The following SCAF8 variants were observed in gnomAD, a reference collection of about 807,000 sequenced individuals.
SCAF8 encodes SR-related CTD associated factor 8, also known as SR-related and CTD-associated factor 8.
In SCAF8, 23 loss-of-function variants were observed where a neutral mutation model predicts 140.5. The observed-to-expected ratio is 0.16, with a 90% CI of 0.12 to 0.23. The LOEUF is 0.23. SCAF8 is among the 10% of genes least tolerant of loss of function. The pLI, the probability that SCAF8 is intolerant of heterozygous loss-of-function variation, is 1.00. For missense variants in SCAF8, 1,397 were observed against 1,555.7 expected (o/e 0.90, Z 1.72); for synonymous variants, 575 against 528.9 (o/e 1.09, Z -1.20).
chr6:154,832,375 A>G lies in SCAF8; in HGVS notation c.2796A>G (p.Pro932=), dbSNP rs1479971677. Reference sequence around the variant, plus strand: ...TAGACATTCGTCCGGGACTAATACCACAGGCACCTGGGCCAAGATTCCCTT... The same window carrying G: ...TAGACATTCGTCCGGGACTAATACCGCAGGCACCTGGGCCAAGATTCCCTT... ...PMLDIRPGLI[P]QAPGPRFPLI... is the part of the protein sequence containing the mutation. The change falls in exon 20 of 20, where the codon CCA becomes CCG. Residue 932 remains proline (P), a synonymous_variant. Coordinates refer to ENST00000367178, the MANE Select transcript of SCAF8 (RefSeq NM_014892.5). 1.9e-6 allele frequency: 3 copies of G among 1,614,076 alleles called. No homozygotes were observed. The highest frequency in any genetic ancestry group is 2.5e-6 in the Non-Finnish European group (3 of 1,180,004).
intron 15 of SCAF8, 125 bp downstream of exon 15, chr6:154,820,458 T>TA: frequency 2.8e-6 from 2 of 713,916 alleles, no homozygotes; most frequent in Non-Finnish European, 4.6e-6. Flanking sequence ...AGAGAAAAGA[T>TA]ACATTACTAT....
intron 12 of SCAF8, among the ~76,000 whole-genome samples, chr6:154,812,815 T>TA (rs998023203): frequency 6.6e-6 from 1 of 151,998 alleles, no homozygotes; most frequent in African/African-American, 2.4e-5. Flanking sequence ...GAAAAATGTG[T>TA]AGAGAGATAA....
At position 154,793,055 on chromosome 6, in the gene SCAF8, T is replaced by C. The variant is rs574442339; in HGVS notation, c.475+79T>C. 92 of 1,188,474 alleles carry C rather than the reference T, an allele frequency of 7.7e-5. No homozygotes were observed. The African/African-American group carries it at 1.3e-3, about 17-fold the overall frequency. The allele number at this position is 1,188,474 out of a possible 1,614,324, so 73.6% of individuals were successfully genotyped here. ...GATGACTGTTCATATAAAAAATAAT[T>C]CGACAGTGCAGGAAAATTTGTCCAG... On this transcript the variant is annotated intron_variant, in intron 5 of 19. Transcript: ENST00000367178.
At position 154,820,248 on chromosome 6, in the gene SCAF8, A is replaced by G. The variant is rs550404466; in HGVS notation, c.1707A>G (p.Thr569=). The change falls in exon 15 of 20, where the codon ACA becomes ACG. Residue 569 remains threonine, a synonymous_variant. Transcript: ENST00000367178. ...TCTGGGATGTGGATCTTGGAGTTAC[A>G]TATATACCATGGGAAAAAGTTAAAG... ...KQFWDVDLGV[T]YIPWEKVKVD... The G allele has an allele frequency of 4.1e-5, 66 of 1,611,992 alleles. No homozygotes were observed. Among genetic ancestry groups the G allele is most frequent in the Non-Finnish European group, 4.6e-5 (54 of 1,179,178 alleles).
intron 4 of SCAF8, among the ~76,000 whole-genome samples, chr6:154,792,112 G>T (rs972849513): frequency 9.2e-5 from 14 of 152,128 alleles, no homozygotes; most frequent in African/African-American, 2.9e-4. Flanking sequence ...CTGAGGGCCA[G>T]ATTAAGTAAT....
intron 1 of SCAF8, among the ~76,000 whole-genome samples, chr6:154,742,212 G>A (rs145079455): frequency 2.6e-5 from 4 of 152,156 alleles, no homozygotes; most frequent in Middle Eastern, 3.4e-3. Flanking sequence ...AGGTTAATTG[G>A]AGAAAAAAGT....
intron 3 of SCAF8, among the ~76,000 whole-genome samples, chr6:154,782,709 T>C (rs754189839): frequency 5.9e-5 from 9 of 152,154 alleles, no homozygotes; most frequent in Non-Finnish European, 1.3e-4. Flanking sequence ...GGACGGCCAG[T>C]CTGAGTCTCA....
At chr6:154,754,181 A>T (rs1392927634) in intron 1 of SCAF8, among the ~76,000 whole-genome samples, 3 of 152,234 alleles carry the variant, frequency 2.0e-5, no homozygotes, top group Non-Finnish European at 4.4e-5. Context: ...GTTTAAATGC[A>T]GTTTATTTAG....
chr6:154,823,230 C>T (rs1438418296), intron 16 of SCAF8, among the ~76,000 whole-genome samples: 1 of 152,008 alleles, frequency 6.6e-6, no homozygotes, highest in Non-Finnish European at 1.5e-5. Context: ...TTACATGTGA[C>T]AAAAAGAGAG....
chr6:154,819,957 C>G (rs1011083414), intron 14 of SCAF8, among the ~76,000 whole-genome samples: 1 of 152,158 alleles, frequency 6.6e-6, no homozygotes, highest in Non-Finnish European at 1.5e-5. Flanking sequence ...CCACTGCACT[C>G]CAGCCTGGGT....
chr6:154,807,105 A>G (rs953244907), intron 9 of SCAF8, among the ~76,000 whole-genome samples: 4 of 152,162 alleles, frequency 2.6e-5, no homozygotes, highest in Non-Finnish European at 5.9e-5. Flanking sequence ...TAATCGTAGT[A>G]CTTTATGTTT....
At chr6:154,739,264 T>C (rs1778506377) in intron 1 of SCAF8, among the ~76,000 whole-genome samples, 1 of 152,186 alleles carries the variant, frequency 6.6e-6, no homozygotes, top group Non-Finnish European at 1.5e-5. Context: ...AGTACTGGGA[T>C]TACAGGTGTG....
chr6:154,799,379 A>G lies in SCAF8; in HGVS notation c.607-2592A>G, dbSNP rs114635129. Among the ~76,000 whole-genome samples, 933 of 151,250 alleles carry G rather than the reference A, an allele frequency of 6.2e-3. 15 individuals are homozygous for G. Among genetic ancestry groups the G allele is most frequent in the African/African-American group, 0.021 (881 of 41,420 alleles). ...CCTTTCACCTGCGCCTCCCAAGTCA[A>G]TGGAATTACAGGCACAAGCCATCGT... On this transcript the variant is annotated intron_variant, in intron 6 of 19. Coordinates refer to ENST00000367178, the MANE Select transcript of SCAF8 (RefSeq NM_014892.5).
At chr6:154,736,971 T>C (rs1778438744) in intron 1 of SCAF8, among the ~76,000 whole-genome samples, 3 of 152,224 alleles carry the variant, frequency 2.0e-5, no homozygotes, top group Admixed American at 1.3e-4. Context: ...AAAAATACTT[T>C]TTTTTTTAAA....
rs142677761 is a variant in SCAF8 at position 154,755,481 on chromosome 6, C to T, written c.31-18508C>T. Among the ~76,000 whole-genome samples, 47 of 152,174 alleles carry T rather than the reference C, an allele frequency of 3.1e-4. No homozygotes were observed. The East Asian group carries it at 8.1e-3, about 26-fold the overall frequency. ...GTCCAGTCTGGTCTCGAACTCCTGACCTCAAGTGACCCTCCCGCCTCGGCC... is the reference window on the plus strand; with the variant it reads ...GTCCAGTCTGGTCTCGAACTCCTGATCTCAAGTGACCCTCCCGCCTCGGCC... On this transcript the variant is annotated intron_variant, in intron 1 of 19. Transcript: ENST00000367178.
intron 13 of SCAF8, among the ~76,000 whole-genome samples, chr6:154,818,162 T>C (rs908718617): frequency 1.3e-5 from 2 of 152,358 alleles, no homozygotes; most frequent in Admixed American, 6.5e-5. Flanking sequence ...TACGAAGTTA[T>C]ACATTTTGTT....
intron 1 of SCAF8, among the ~76,000 whole-genome samples, chr6:154,739,454 T>G (rs545339555): frequency 1.3e-5 from 2 of 152,206 alleles, no homozygotes; most frequent in Non-Finnish European, 2.9e-5. Context: ...TGTATTACAA[T>G]GTAGCCTTTC....
At chr6:154,829,384 G>C (rs1778662878) in intron 18 of SCAF8, among the ~76,000 whole-genome samples, 1 of 151,726 alleles carries the variant, frequency 6.6e-6, no homozygotes, top group African/African-American at 2.4e-5. Context: ...TCTATCATTG[G>C]ACGTTACAGA....
At position 154,778,134 on chromosome 6, in the gene SCAF8, G is replaced by A. The variant is rs1776969225; in HGVS notation, c.159+89G>A. The A allele has an allele frequency of 4.3e-6, 3 of 695,200 alleles. No individual in the cohort carries two copies. The Admixed American group carries it at 9.5e-5, about 22-fold the overall frequency. 43.1% of individuals were successfully genotyped at this position (695,200 alleles called of 1,614,324 possible). A position where few individuals can be genotyped will look rare whatever the true frequency, so the allele number is the denominator to read the frequency against. ...TAGATCAAATACCCAAGTTTAAATT[G>A]TTTTGATGGACTGTTAAAAAGTGAT... is the stretch of plus-strand genomic sequence containing the variant. On this transcript the variant is annotated intron_variant, in intron 3 of 19. Coordinates refer to ENST00000367178, the MANE Select transcript of SCAF8 (RefSeq NM_014892.5).
Sources: allele counts gnomAD v4.1 joint callset (sites outside exome capture counted in the v4.1 genomes callset), GRCh38; gene constraint gnomAD v4.1.1; transcripts MANE v1.5; gene names NCBI Gene and HGNC (gene_info 2026-07-23, HGNC 2026-07-21).